SH3KBP1: variants seen among roughly 807,000 people sequenced by gnomAD.
SH3KBP1 encodes SH3 domain-containing kinase-binding protein 1.
In SH3KBP1, 8 loss-of-function variants were observed where a neutral mutation model predicts 50.1. The ratio of observed to expected loss-of-function variants is 0.16; its 90% CI spans 0.09 to 0.29. SH3KBP1 has a LOEUF of 0.29. SH3KBP1 is among the 10% of genes least tolerant of loss of function. The probability of loss-of-function intolerance (pLI) is 1.00; values close to 1 mark genes in which losing one functional copy is unlikely to be tolerated. For missense variants in SH3KBP1, 377 were observed against 535.2 expected (o/e 0.70, Z 2.92); for synonymous variants, 227 against 218.6 (o/e 1.04, Z -0.34).
intron 13 of SH3KBP1, among the ~76,000 whole-genome samples, chrX:19,562,814 T>C (rs1312481743): frequency 9.0e-6 from 1 of 111,618 alleles, no homozygotes; most frequent in Non-Finnish European, 1.9e-5. Context: ...TCCCTAAATG[T>C]CCCTCCACCT....
chrX:19,670,392 T>C, intron 6 of SH3KBP1: 1 of 752,001 alleles, frequency 1.3e-6, no homozygotes. Context: ...TTGCTCTGCA[T>C]GGACATACCC....
At chrX:19,697,879 A>T (rs2063457102) in intron 4 of SH3KBP1, among the ~76,000 whole-genome samples, 2 of 112,130 alleles carry the variant, frequency 1.8e-5, no homozygotes, top group South Asian at 7.4e-4. Context: ...TAGGATACAG[A>T]CTTACAGAGT....
intron 3 of SH3KBP1, among the ~76,000 whole-genome samples, chrX:19,710,183 G>C (rs1264922185): frequency 8.9e-6 from 1 of 112,100 alleles, no homozygotes; most frequent in Non-Finnish European, 1.9e-5. Flanking sequence ...CTTTTCAATT[G>C]CATGTCATTC....
chrX:19,547,138 G>C (rs1249046590), intron 14 of SH3KBP1, among the ~76,000 whole-genome samples: 1 of 100,254 alleles, frequency 1.0e-5, no homozygotes, highest in Non-Finnish European at 2.0e-5. Context: ...CTGGACAAAA[G>C]AGTGGGACCC....
In SH3KBP1 at chrX:19,559,625, G is replaced by A. The variant is rs180924021; in HGVS notation, c.1384+9478C>T. Among the ~76,000 whole-genome samples, 363 of 110,766 alleles carry A rather than the reference G, an allele frequency of 3.3e-3. 1 individual carries two copies. The highest frequency in any genetic ancestry group is 0.011 in the African/African-American group (348 of 30,431). On this transcript the variant is annotated intron_variant, in intron 13 of 17. Coordinates refer to ENST00000397821, the MANE Select transcript of SH3KBP1 (RefSeq NM_031892.3). ...ATTACAGGTGTGAGCCACTGCGCCCGGCCAGAACGGAAATAATTTTGTTAT... is the reference window on the plus strand; with the variant it reads ...ATTACAGGTGTGAGCCACTGCGCCCAGCCAGAACGGAAATAATTTTGTTAT...
rs1410583663 is a variant in SH3KBP1, at chrX:19,874,065, A to T, written c.4+13242T>A. On this transcript the variant is annotated intron_variant, in intron 1 of 17. Coordinates refer to ENST00000397821, the MANE Select transcript of SH3KBP1 (RefSeq NM_031892.3). The stretch of plus-strand genomic sequence containing the variant: ...GTCCATCTCAAAAAAAAAAAAAAAA[A>T]AAAATATATATATATATATATAAAA... 8.1e-5 allele frequency among the ~76,000 whole-genome samples: 7 copies of T among 86,082 alleles called. 1 individual carries two copies. The highest frequency in any genetic ancestry group is 1.1e-4 in the Non-Finnish European group (5 of 46,598). The allele number at this position is 86,082 out of a possible 115,157, so 74.8% of individuals were successfully genotyped here.
At chrX:19,643,307 A>ATTTTTTTTTTTTTTTTTTTTTTT (rs1216327847) in intron 7 of SH3KBP1, among the ~76,000 whole-genome samples, 1 of 74,583 alleles carries the variant, frequency 1.3e-5, no homozygotes, top group African/African-American at 6.8e-5. Flanking sequence ...AGAATTTTTT[A>ATTTTTTTTTTTTTTTTTTTTTTT]TTTTTTTTTT....
At chrX:19,638,611 G>A (rs182124454) in intron 7 of SH3KBP1, among the ~76,000 whole-genome samples, 7 of 111,295 alleles carry the variant, frequency 6.3e-5, no homozygotes, top group Non-Finnish European at 1.1e-4. Context: ...ACCACGCTGT[G>A]AGAACCACTG....
intron 8 of SH3KBP1, among the ~76,000 whole-genome samples, chrX:19,613,713 T>G (rs769720787): frequency 3.5e-4 from 39 of 112,334 alleles, no homozygotes; most frequent in African/African-American, 9.7e-4. Flanking sequence ...ACATCTCAGG[T>G]TATCTACTCC....
At chrX:19,662,144 C>T (rs1161836505) in intron 6 of SH3KBP1, among the ~76,000 whole-genome samples, 1 of 111,300 alleles carries the variant, frequency 9.0e-6, no homozygotes, top group Non-Finnish European at 1.9e-5. Context: ...TGAGTCATGA[C>T]GGTAATTCGA....
At chrX:19,793,579 T>G (rs1399135936) in intron 2 of SH3KBP1, among the ~76,000 whole-genome samples, 1 of 110,780 alleles carries the variant, frequency 9.0e-6, no homozygotes, top group African/African-American at 3.3e-5. Flanking sequence ...TTTTGTAAAC[T>G]ATAAAGCACC....
At chrX:19,560,985 G>A (rs760669692) in intron 13 of SH3KBP1, among the ~76,000 whole-genome samples, 2 of 105,898 alleles carry the variant, frequency 1.9e-5, no homozygotes, top group South Asian at 4.4e-4. Flanking sequence ...GAGGTAGGAG[G>A]ACTGCTTGAG....
intron 12 of SH3KBP1, among the ~76,000 whole-genome samples, chrX:19,579,924 G>C (rs999381442): frequency 2.7e-5 from 3 of 111,702 alleles, no homozygotes; most frequent in African/African-American, 9.8e-5. Context: ...CCTCCCCCAT[G>C]GAGGTCACAG....
chrX:19,585,690 C>CCAGCAG (rs760758680), intron 12 of SH3KBP1, among the ~76,000 whole-genome samples: 1,345 of 108,730 alleles, frequency 0.012, 19 homozygotes, highest in African/African-American at 0.03. Flanking sequence ...ACCACCACTA[C>CCAGCAG]CAGCAGCAGC....
At chrX:19,565,051 A>ATTTTTTTTTTTTTTTTTTTTTT (rs59323105) in intron 13 of SH3KBP1, among the ~76,000 whole-genome samples, 1 of 66,520 alleles carries the variant, frequency 1.5e-5, no homozygotes, top group African/African-American at 7.5e-5. Flanking sequence ...TTCAACTCCA[A>ATTTTTTTTTTTTTTTTTTTTTT]TTTTTTTTTT....
At chrX:19,644,472 T>C (rs1346111490) in intron 7 of SH3KBP1, among the ~76,000 whole-genome samples, 3 of 111,948 alleles carry the variant, frequency 2.7e-5, no homozygotes, top group African/African-American at 9.7e-5. Flanking sequence ...ATGTACCCCA[T>C]AAATATATAC....
chrX:19,669,328 T>A (rs12008057), intron 6 of SH3KBP1, among the ~76,000 whole-genome samples: 15,142 of 95,709 alleles, frequency 0.16, 1,082 homozygotes, highest in African/African-American at 0.25. Context: ...TAATAATAAT[T>A]ATTATTATTA....
At chrX:19,752,555 C>G (rs906044417) in intron 2 of SH3KBP1, among the ~76,000 whole-genome samples, 2 of 111,442 alleles carry the variant, frequency 1.8e-5, no homozygotes, top group African/African-American at 6.5e-5. Flanking sequence ...GGTGAGAGAT[C>G]TCAGAACAGC....
chrX:19,812,404 A>G (rs1386742770), intron 2 of SH3KBP1, among the ~76,000 whole-genome samples: 2 of 111,521 alleles, frequency 1.8e-5, no homozygotes, highest in Admixed American at 1.9e-4. Flanking sequence ...TGGCATAAAG[A>G]TGATGAAATT....
Sources: allele counts gnomAD v4.1 joint callset (sites outside exome capture counted in the v4.1 genomes callset), GRCh38; gene constraint gnomAD v4.1.1; transcripts MANE v1.5; gene names NCBI Gene and HGNC (gene_info 2026-07-23, HGNC 2026-07-21).